Variants in MYO16 observed in about 807,000 individuals in gnomAD.
MYO16 encodes the protein myosin XVI, also known as unconventional myosin-XVI.
In MYO16, 94 loss-of-function variants were observed where a neutral mutation model predicts 205.3. The ratio of observed to expected loss-of-function variants is 0.46; its 90% CI spans 0.39 to 0.54. MYO16 has a LOEUF of 0.54. Among genes scored for constraint, MYO16 ranks in the 20% least tolerant of loss-of-function variants. The probability of loss-of-function intolerance (pLI) is 0.00; values close to 1 mark genes in which losing one functional copy is unlikely to be tolerated. For synonymous variants in MYO16, 988 were observed against 954.0 expected, an observed-to-expected ratio of 1.04 and a Z score of -0.66; for missense variants, 2,315 against 2,387.5, an observed-to-expected ratio of 0.97 and a Z score of 0.63.
In MYO16 at chr13:108,781,752, G is replaced by C. The variant is rs148597887; in HGVS notation, c.508-3883G>C. Among the ~76,000 whole-genome samples the C allele has an allele frequency of 9.2e-5, 14 of 152,296 alleles. No homozygotes were observed. In the East Asian group the frequency reaches 2.5e-3, roughly 27 times the overall value. On this transcript the variant is annotated intron_variant, in intron 4 of 34. Coordinates refer to ENST00000457511, the MANE Select transcript of MYO16 (RefSeq NM_001198950.3). ...TTCTTGTGGGAGGGACCCAGGGGGAGGTAATTGAATCCTGGGGGCCGGTCT... is the reference window on the plus strand; with the variant it reads ...TTCTTGTGGGAGGGACCCAGGGGGACGTAATTGAATCCTGGGGGCCGGTCT...
At chr13:108,997,743 C>G (rs953158103) in intron 21 of MYO16, among the ~76,000 whole-genome samples, 17 of 152,224 alleles carry the variant, frequency 1.1e-4, no homozygotes, top group Admixed American at 1.1e-3. Context: ...GAGGGTGAGG[C>G]AGGAGAATCG....
At chr13:108,707,250 C>G (rs1306155132) in intron 2 of MYO16, among the ~76,000 whole-genome samples, 1 of 152,108 alleles carries the variant, frequency 6.6e-6, no homozygotes, top group Non-Finnish European at 1.5e-5. Context: ...CCATGGCTGT[C>G]TATGCTTCTC....
intron 4 of MYO16, among the ~76,000 whole-genome samples, chr13:108,778,861 G>T (rs1194247628): frequency 6.6e-6 from 1 of 152,110 alleles, no homozygotes; most frequent in African/African-American, 2.4e-5. Context: ...AACCTCTCTG[G>T]TTCTCCTATT....
intron 21 of MYO16, among the ~76,000 whole-genome samples, chr13:109,003,042 G>A (rs934027287): frequency 1.3e-5 from 2 of 152,134 alleles, no homozygotes; most frequent in Non-Finnish European, 2.9e-5. Flanking sequence ...GCTTTGAACA[G>A]TTTAGAATAA....
At chr13:108,631,481 G>A (rs913031469) in intron 1 of MYO16, among the ~76,000 whole-genome samples, 4 of 152,174 alleles carry the variant, frequency 2.6e-5, no homozygotes, top group Non-Finnish European at 4.4e-5. Context: ...GAGCCTGTGA[G>A]ATATTTCTTT....
At position 108,682,935 on chromosome 13, in the gene MYO16, C is replaced by T. The variant is rs956507377; in HGVS notation, c.292+16786C>T. Among the ~76,000 whole-genome samples the T allele has an allele frequency of 3.3e-5, 5 of 152,238 alleles. No individual in the cohort carries two copies. In the East Asian group the frequency reaches 9.7e-4, roughly 29 times the overall value. The stretch of plus-strand genomic sequence containing the variant: ...ATATCTGATCCCTGCTGGCAACGTG[C>T]CTTATGAAATGTAAGATAGAGTCTT... On this transcript the variant is annotated intron_variant, in intron 2 of 34. Transcript: ENST00000457511.
chr13:109,132,500 C>T (rs1181228022), intron 31 of MYO16, among the ~76,000 whole-genome samples: 3 of 152,100 alleles, frequency 2.0e-5, no homozygotes, highest in Non-Finnish European at 2.9e-5. Context: ...ACATAGTAAG[C>T]ACTCATCAAA....
intron 9 of MYO16, among the ~76,000 whole-genome samples, chr13:108,832,527 G>T (rs1876676961): frequency 1.3e-5 from 2 of 151,918 alleles, no homozygotes; most frequent in Non-Finnish European, 2.9e-5. Context: ...GTGCCCATTT[G>T]GTCCAGTCTG....
At chr13:108,957,029 C>G (rs1222770089) in intron 16 of MYO16, among the ~76,000 whole-genome samples, 19 of 152,126 alleles carry the variant, frequency 1.2e-4, no homozygotes, top group Non-Finnish European at 2.4e-4. Context: ...ATAAACTAGG[C>G]ATCTTTAGTT....
At chr13:108,700,360 G>A (rs9583281) in intron 2 of MYO16, among the ~76,000 whole-genome samples, 210 of 143,042 alleles carry the variant, frequency 1.5e-3, no homozygotes, top group African/African-American at 5.3e-3. Flanking sequence ...AGAAGAAGAA[G>A]AAGAAGAAGA....
upstream of MYO16, among the ~76,000 whole-genome samples, chr13:108,592,427 A>AG: frequency 2.0e-5 from 1 of 49,142 alleles, no homozygotes; most frequent in African/African-American, 8.8e-5. Flanking sequence ...GTGTGTGTGG[A>AG]GGGGGGTATG....
At chr13:109,090,422 C>T (rs1446251652) in intron 27 of MYO16, among the ~76,000 whole-genome samples, 1 of 152,212 alleles carries the variant, frequency 6.6e-6, no homozygotes, top group African/African-American at 2.4e-5. Flanking sequence ...GGCTGTGCGT[C>T]CACATGTCTG....
chr13:108,603,519 A>G (rs1878842443), intron 1 of MYO16, among the ~76,000 whole-genome samples: 2 of 152,098 alleles, frequency 1.3e-5, no homozygotes, highest in Non-Finnish European at 2.9e-5. Context: ...ATAACGTTTG[A>G]TGTTTGGATA....
At chr13:109,198,359 G>T (rs1167849198) in intron 34 of MYO16, among the ~76,000 whole-genome samples, 1 of 152,076 alleles carries the variant, frequency 6.6e-6, no homozygotes, top group Non-Finnish European at 1.5e-5. Context: ...TTTAACAACT[G>T]TTTAAATAGG....
At chr13:109,193,573 A>G (rs1880018458) in intron 34 of MYO16, among the ~76,000 whole-genome samples, 1 of 152,208 alleles carries the variant, frequency 6.6e-6, no homozygotes, top group Non-Finnish European at 1.5e-5. Context: ...CTGGAAAAAA[A>G]AATTTGAGAA....
intron 4 of MYO16, among the ~76,000 whole-genome samples, chr13:108,756,259 A>C (rs1194401069): frequency 6.6e-6 from 1 of 152,148 alleles, no homozygotes; most frequent in Non-Finnish European, 1.5e-5. Context: ...CATACAATTC[A>C]AAAAGATGTA....
At chr13:109,153,534 C>T (rs1291340896) in intron 32 of MYO16, among the ~76,000 whole-genome samples, 6 of 152,076 alleles carry the variant, frequency 3.9e-5, no homozygotes, top group Non-Finnish European at 5.9e-5. Context: ...CAAGACCGTC[C>T]GATCACCTGA....
At chr13:108,633,440 A>G (rs895288690) in intron 1 of MYO16, among the ~76,000 whole-genome samples, 4 of 152,198 alleles carry the variant, frequency 2.6e-5, no homozygotes, top group African/African-American at 9.7e-5. Flanking sequence ...AAGGGCAGGA[A>G]GCATCCAGCA....
At chr13:108,970,432 G>T (rs1883964843) in intron 20 of MYO16, among the ~76,000 whole-genome samples, 2 of 152,134 alleles carry the variant, frequency 1.3e-5, no homozygotes, top group African/African-American at 4.8e-5. Context: ...ATAAATCACA[G>T]TTCTATGGAC....
Sources: gnomAD v4.1 joint callset for allele counts (sites outside exome capture counted in the v4.1 genomes callset) on GRCh38, gnomAD v4.1.1 for gene constraint, MANE v1.5 for transcripts, NCBI Gene and HGNC (gene_info 2026-07-23, HGNC 2026-07-21) for gene names.